Variants in FLNB observed in about 807,000 individuals in gnomAD.
FLNB encodes the protein filamin B.
A neutral mutation model predicts 250.6 loss-of-function variants in FLNB; 111 were observed. The ratio of observed to expected loss-of-function variants is 0.44; its 90% CI spans 0.38 to 0.52. FLNB has a LOEUF of 0.52. FLNB is among the 20% of genes least tolerant of loss of function. The probability of loss-of-function intolerance (pLI) is 0.00; values close to 1 mark genes in which losing one functional copy is unlikely to be tolerated. For missense variants in FLNB, 2,869 were observed against 3,447.8 expected (o/e 0.83, Z 4.20); for synonymous variants, 1,302 against 1,372.1 (o/e 0.95, Z 1.13).
Position 58,109,577 on chromosome 3 carries a change from T to A in FLNB, c.2201T>A (p.Val734Asp). The A allele has an allele frequency of 6.2e-7, 1 of 1,614,192 alleles. No individual in the cohort carries two copies. Residue 734 changes from valine (V) to aspartate (D), a missense_variant and splice_region_variant, in exon 15 of 46, where the codon GTC (valine) becomes GAC (aspartate). Transcript: ENST00000295956. ...GVNIPHSPYR[V>D]NIGQGSHPQK... Reference sequence around the variant, plus strand: ...TGACCTTCTCCATGTCTTCTCTAGGTCAACATCGGGCAAGGTAGCCATCCT... The same window carrying A: ...TGACCTTCTCCATGTCTTCTCTAGGACAACATCGGGCAAGGTAGCCATCCT...
intron 26 of FLNB, among the ~76,000 whole-genome samples, chr3:58,134,142 C>T (rs757634118): frequency 4.6e-5 from 7 of 152,188 alleles, no homozygotes; most frequent in South Asian, 2.1e-4. Flanking sequence ...TTGGGCCGCA[C>T]GGTGGTGGGT....
At chr3:58,106,924 C>T (rs2097260694) in intron 12 of FLNB, 51 bp downstream of exon 12, 1 of 1,517,718 alleles carries the variant, frequency 6.6e-7, no homozygotes. Flanking sequence ...CCTGGTTCCT[C>T]ACCCCCATGC....
chr3:58,021,758 C>T (rs554774841), intron 1 of FLNB, among the ~76,000 whole-genome samples: 1 of 151,220 alleles, frequency 6.6e-6, no homozygotes, highest in Admixed American at 6.6e-5. Context: ...CTCCTGGGCA[C>T]CCAACACCTT....
intron 39 of FLNB, 25 bp from the exon 40 acceptor site, chr3:58,154,766 T>G: frequency 6.2e-7 from 1 of 1,613,142 alleles, no homozygotes; most frequent in Non-Finnish European, 8.5e-7. Flanking sequence ...GCTCAGTCAC[T>G]AACCAGGTTT....
Position 58,142,785 on chromosome 3 carries a change from C to T in FLNB, c.5284+33C>T. ...CTTGCCATAAAGGCCGTCTCATTCT[C>T]ACTTGCTCTCACGAGCTTCCCAGAA... is the stretch of plus-strand genomic sequence containing the variant. On this transcript the variant is annotated intron_variant, in intron 31 of 45. Transcript: ENST00000295956. This position sits in a 1 kb window ranked among gnomAD's most constrained non-coding sequence, Gnocchi z 4.3. 1 of 1,565,724 alleles carries T rather than the reference C, an allele frequency of 6.4e-7. No homozygotes were observed.
At chr3:58,065,191 T>C (rs2097183810) in intron 1 of FLNB, among the ~76,000 whole-genome samples, 1 of 152,178 alleles carries the variant, frequency 6.6e-6, no homozygotes, top group Admixed American at 6.5e-5. Flanking sequence ...CCCGAGAGCC[T>C]CGGCAGCGCA....
chr3:58,045,979 A>G (rs995488401), intron 1 of FLNB, among the ~76,000 whole-genome samples: 1 of 137,994 alleles, frequency 7.2e-6, no homozygotes, highest in African/African-American at 2.8e-5. Flanking sequence ...AGCCTGGGCT[A>G]CAGAGCGAGA....
At chr3:58,020,096 T>TGTGTGTGTGTGTG (rs1553680503) in intron 1 of FLNB, among the ~76,000 whole-genome samples, 2 of 114,758 alleles carry the variant, frequency 1.7e-5, no homozygotes, top group African/African-American at 3.4e-5. Flanking sequence ...TGTGTGTGTG[T>TGTGTGTGTGTGTG]TGAGGGGAGT....
rs536620429 is a variant in FLNB, at chr3:58,107,355, A to G, written c.1941+482A>G. Among the ~76,000 whole-genome samples the G allele has an allele frequency of 1.1e-4, 16 of 152,266 alleles. No homozygotes were observed. The South Asian group carries it at 3.1e-3, about 30-fold the overall frequency. The stretch of plus-strand genomic sequence containing the variant: ...CCCAGGCCTACATTTGAATCCTGGT[A>G]GTAGCACTTAGCACTTTTATAGTGT... On this transcript the variant is annotated intron_variant, in intron 12 of 45. Coordinates refer to ENST00000295956, the MANE Select transcript of FLNB (RefSeq NM_001457.4).
chr3:58,031,416 G>A (rs1346934927), intron 1 of FLNB, among the ~76,000 whole-genome samples: 1 of 149,130 alleles, frequency 6.7e-6, no homozygotes, highest in African/African-American at 2.5e-5. Flanking sequence ...CTAATTTTTT[G>A]TATTTTTAGC....
intron 1 of FLNB, among the ~76,000 whole-genome samples, chr3:58,067,058 T>C (rs2097186606): frequency 6.6e-6 from 1 of 152,224 alleles, no homozygotes; most frequent in Admixed American, 6.5e-5. Context: ...AGGGAATGTT[T>C]ACTCAGTTCT....
Position 58,126,637 on chromosome 3 carries a change from A to C in FLNB, c.4097A>C (p.Glu1366Ala). 1 of 1,614,084 alleles carries C rather than the reference A, an allele frequency of 6.2e-7. No homozygotes were observed. Among genetic ancestry groups the C allele is most frequent in the South Asian group, 1.1e-5 (1 of 91,082 alleles). Reference sequence around the variant, plus strand: ...ATTGGTGGGCTTGGCATAACTGTTGAGGGACCATCAGAGTCGAAGATAAAT... The same window carrying C: ...ATTGGTGGGCTTGGCATAACTGTTGCGGGACCATCAGAGTCGAAGATAAAT... ...AGIGGLGITVEGPSESKINCR... is the reference protein window; with the variant it reads ...AGIGGLGITVAGPSESKINCR... Residue 1366 changes from glutamate (E) to alanine (A), a missense_variant, in exon 24 of 46, where the codon GAG becomes GCG. Physicochemically the swap from Glu to Ala is moderately radical, Grantham distance 107. Around this residue, in one of 5 missense-constraint regions of FLNB, gnomAD observed 1,348 missense variants for 1,466.7 expected, o/e 0.92. Transcript: ENST00000295956.
At chr3:58,129,127 A>G (rs936229510) in intron 24 of FLNB, among the ~76,000 whole-genome samples, 2 of 152,184 alleles carry the variant, frequency 1.3e-5, no homozygotes, top group African/African-American at 2.4e-5. Context: ...TGGCCTGGTT[A>G]AAAACCCGGA....
chr3:58,025,133 C>CTTTTTTTTTTTTTTTTT (rs57706596), intron 1 of FLNB, among the ~76,000 whole-genome samples: 2 of 116,550 alleles, frequency 1.7e-5, no homozygotes, highest in African/African-American at 3.4e-5. Context: ...TTCTTTCTTT[C>CTTTTTTTTTTTTTTTTT]TTTTTTTTTT....
At chr3:58,113,439 G>T (rs2097272453) in intron 18 of FLNB, among the ~76,000 whole-genome samples, 1 of 152,222 alleles carries the variant, frequency 6.6e-6, no homozygotes, top group African/African-American at 2.4e-5. Context: ...GGTCCTCTCA[G>T]CGAGGAGCAG....
chr3:58,088,874 G>A (rs1316701862), intron 4 of FLNB, among the ~76,000 whole-genome samples: 2 of 152,234 alleles, frequency 1.3e-5, no homozygotes, highest in East Asian at 3.9e-4. Flanking sequence ...CAGTAATGAG[G>A]CACTCCTACT....
At chr3:58,135,027 AT>A (rs1192375814) in intron 27 of FLNB, among the ~76,000 whole-genome samples, 2 of 151,700 alleles carry the variant, frequency 1.3e-5, no homozygotes, top group Middle Eastern at 3.4e-3. Context: ...TTTTATTTTT[AT>A]TTTTTTTAAA....
rs188953725 is a variant in FLNB at position 58,154,932 on chromosome 3, T to C, written c.6772+4T>C. On this transcript the variant is annotated splice_donor_region_variant and intron_variant, in intron 40 of 45. Coordinates refer to ENST00000295956, the MANE Select transcript of FLNB (RefSeq NM_001457.4). ...TCTTATATTGCCCAAGAGCCTGGTA[T>C]GTATTCAGGGTTCACAAGAGGACAT... 70 of 1,613,396 alleles carry C rather than the reference T, an allele frequency of 4.3e-5. No individual in the cohort carries two copies. The highest frequency in any genetic ancestry group is 5.4e-5 in the Non-Finnish European group (64 of 1,179,322).
At position 58,046,039 on chromosome 3, in the gene FLNB, C is replaced by T. The variant is rs2106820351; in HGVS notation, c.293-31007C>T. On this transcript the variant is annotated intron_variant, in intron 1 of 45. Transcript: ENST00000295956. The stretch of plus-strand genomic sequence containing the variant: ...AAAAAAAAAAAGACTTGAGTTGGTT[C>T]TAATAGAATACCTTGGAGAACCTCA... Among the ~76,000 whole-genome samples the T allele has an allele frequency of 1.4e-5, 2 of 140,974 alleles. 1 individual carries two copies. The highest frequency in any genetic ancestry group is 5.1e-5 in the African/African-American group (2 of 38,918). 92.5% of individuals were successfully genotyped at this position (140,974 alleles called of 152,430 possible). A position where few individuals can be genotyped will look rare whatever the true frequency, so the allele number is the denominator to read the frequency against.
Sources: gnomAD v4.1 joint callset for allele counts (sites outside exome capture counted in the v4.1 genomes callset) on GRCh38, gnomAD v4.1.1 for gene constraint, gnomAD v4.1.1 regional missense constraint, Gnocchi (gnomAD v3.1) non-coding constraint, MANE v1.5 for transcripts, NCBI Gene and HGNC (gene_info 2026-07-23, HGNC 2026-07-21) for gene names.